Variants in GHRHR observed in about 807,000 individuals in gnomAD.
GHRHR encodes growth hormone releasing hormone receptor.
GHRHR carries 40 observed loss-of-function variants against 58.3 expected under a neutral mutation model. The observed-to-expected ratio is 0.69, with a 90% CI of 0.53 to 0.89. The LOEUF (loss-of-function observed/expected upper bound fraction) is 0.89, where lower values mean the gene tolerates loss of function less well. Ranked by LOEUF, GHRHR falls within the 40% of genes least tolerant of loss-of-function variation. The pLI is 0.00. For synonymous variants in GHRHR, 249 were observed against 216.6 expected (o/e 1.15, Z -1.31); for missense variants, 551 against 541.3 (o/e 1.02, Z -0.18).
At chr7:30,968,349 G>T (rs1167140593) in intron 1 of GHRHR, among the ~76,000 whole-genome samples, 2 of 152,096 alleles carry the variant, frequency 1.3e-5, no homozygotes, top group Non-Finnish European at 2.9e-5. Context: ...AGGCCCTGAT[G>T]AGAATGGAGT....
intron 12 of GHRHR, among the ~76,000 whole-genome samples, chr7:30,978,298 A>G (rs1336974157): frequency 1.3e-5 from 2 of 152,100 alleles, no homozygotes; most frequent in Non-Finnish European, 2.9e-5. Flanking sequence ...TGGGAGGGGC[A>G]AGAAGCATCC....
At chr7:30,969,703 G>A in intron 3 of GHRHR, 164 bp from the exon 4 acceptor site, 2 of 732,150 alleles carry the variant, frequency 2.7e-6, no homozygotes, top group East Asian at 5.0e-5. Context: ...GTGTCCCTGG[G>A]CAGGCTAGAC....
chr7:30,965,564 A>C (rs549862622), intron 1 of GHRHR, among the ~76,000 whole-genome samples: 1 of 152,234 alleles, frequency 6.6e-6, no homozygotes, highest in East Asian at 1.9e-4. Flanking sequence ...CCCTATGCCC[A>C]CACATCCTGA....
intron 8 of GHRHR, among the ~76,000 whole-genome samples, chr7:30,974,695 G>C (rs911450332): frequency 1.3e-5 from 2 of 152,114 alleles, no homozygotes; most frequent in African/African-American, 4.8e-5. Context: ...CAGGGCTGTG[G>C]GGCTGGGGGA....
At chr7:30,974,559 T>C (rs1792540326) in intron 8 of GHRHR, 70 bp downstream of exon 8, 1 of 1,077,272 alleles carries the variant, frequency 9.3e-7, no homozygotes, top group African/African-American at 1.5e-5. Flanking sequence ...AGTCAGGCCA[T>C]GGGCTGTTCT....
chr7:30,978,322 G>T (rs1707406261), intron 12 of GHRHR, among the ~76,000 whole-genome samples: 2 of 152,146 alleles, frequency 1.3e-5, no homozygotes, highest in African/African-American at 4.8e-5. Flanking sequence ...GCTGAGGCTG[G>T]TGGGGTGTGG....
chr7:30,971,819 C>T (rs2128597821), intron 5 of GHRHR, 144 bp from the exon 6 acceptor site: 2 of 773,594 alleles, frequency 2.6e-6, no homozygotes, highest in Non-Finnish European at 4.5e-6. Flanking sequence ...TAAACTGAAG[C>T]CTCAAGTTCA....
chr7:30,970,102 A>C (rs914390944), intron 4 of GHRHR, 138 bp downstream of exon 4: 2 of 723,160 alleles, frequency 2.8e-6, no homozygotes, highest in East Asian at 5.2e-5. Flanking sequence ...AGAGCAGTGA[A>C]GTGTCTGGAG....
chr7:30,974,373 A>G (rs1425342926), intron 7 of GHRHR, 56 bp from the exon 8 acceptor site: 8 of 1,322,036 alleles, frequency 6.1e-6, no homozygotes, highest in East Asian at 4.6e-5. Flanking sequence ...GTGGCGCCAG[A>G]TCTCAGAGTC....
rs747039896 is a variant in GHRHR, at chr7:30,974,020, C to T, written c.633C>T (p.Phe211=). ...LCKVSVAASH[F]ATMTNFSWLL... ...AGGTCTCTGTGGCCGCCTCCCATTT[C>T]GCCACCATGACCAACTTCAGCTGGC... Residue 211 remains phenylalanine, a synonymous_variant, in exon 7 of 13, where the codon TTC becomes TTT. Transcript: ENST00000326139. The T allele has an allele frequency of 2.0e-5, 33 of 1,613,842 alleles. No homozygotes were observed. The highest frequency in any genetic ancestry group is 2.7e-5 in the African/African-American group (2 of 74,886).
In GHRHR at chr7:30,964,112, G is replaced by A; in HGVS notation, c.44G>A (p.Ser15Asn). The change falls in exon 1 of 13, where the codon AGC becomes AAC. Residue 15 changes from serine to asparagine, a missense_variant. By Grantham distance (46) the Ser-to-Asn change is conservative. Coordinates refer to ENST00000326139, the MANE Select transcript of GHRHR (RefSeq NM_000823.4). ...MWGAHVFCVL[S>N]PLPTVLGHMH... The stretch of plus-strand genomic sequence containing the variant: ...GGGGCCCACGTCTTCTGCGTGTTGA[G>A]CCCGTTACCGACCGTGAGTAGCCAG... 1 of 1,549,404 alleles carries A rather than the reference G, an allele frequency of 6.5e-7. No individual in the cohort carries two copies.
rs35624572 is a variant in GHRHR at position 30,979,330 on chromosome 7, C to T, written c.*86C>T. On this transcript the variant is annotated 3_prime_UTR_variant, in exon 13 of 13. Coordinates refer to ENST00000326139, the MANE Select transcript of GHRHR (RefSeq NM_000823.4). ...ATGCTCTGGAGGAGCAAGGGGGCCA[C>T]ATCCCCACCCCAGCTGTTACCCAGC... 9.2e-4 allele frequency: 1,249 copies of T among 1,362,330 alleles called. 11 individuals carry two copies. The African/African-American group carries it at 0.016, about 17-fold the overall frequency. The allele number at this position is 1,362,330 out of a possible 1,614,324, so 84.4% of individuals were successfully genotyped here.
In GHRHR at chr7:30,974,027, A is replaced by G. The variant is rs535947130; in HGVS notation, c.640A>G (p.Met214Val). ...VSVAASHFAT[M>V]TNFSWLLAEA... ...TGTGGCCGCCTCCCATTTCGCCACC[A>G]TGACCAACTTCAGCTGGCTGTTGGC... The change falls in exon 7 of 13, where the codon ATG becomes GTG. Residue 214 changes from methionine to valine, a missense_variant. Physicochemically the swap from Met to Val is conservative, Grantham distance 21. Transcript: ENST00000326139. 2.4e-5 allele frequency: 38 copies of G among 1,613,918 alleles called. No homozygotes were observed. The highest frequency in any genetic ancestry group is 3.1e-5 in the Non-Finnish European group (36 of 1,179,952).
chr7:30,977,218 C>T (rs577832711), intron 11 of GHRHR, 63 bp from the exon 12 acceptor site: 134 of 1,465,384 alleles, frequency 9.1e-5, no homozygotes, highest in Middle Eastern at 3.5e-4. Flanking sequence ...AGCAGAAAGA[C>T]GGTGGACACC....
At chr7:30,964,630 G>A (rs940805101) in intron 1 of GHRHR, among the ~76,000 whole-genome samples, 2 of 152,202 alleles carry the variant, frequency 1.3e-5, no homozygotes, top group Non-Finnish European at 2.9e-5. Context: ...TTTGAAGAGG[G>A]TGTGGCCAGG....
In GHRHR at chr7:30,974,484, C is replaced by T. The variant is rs778474030; in HGVS notation, c.807C>T (p.Asp269=). Residue 269 remains aspartate, a synonymous_variant, in exon 8 of 13, where the codon GAC becomes GAT. Coordinates refer to ENST00000326139, the MANE Select transcript of GHRHR (RefSeq NM_000823.4). The part of the protein sequence containing the change: ...TWVSCKLAFE[D]IACWDLDDTS... The stretch of plus-strand genomic sequence containing the variant: ...TGAGCTGCAAACTGGCCTTCGAGGA[C>T]ATCGCGTGAGTCGGAGCGGCCACCT... 1.2e-6 allele frequency: 2 copies of T among 1,610,834 alleles called. No homozygotes were observed. The highest frequency in any genetic ancestry group is 1.1e-5 in the South Asian group (1 of 91,014).
chr7:30,969,508 G>C (rs867182428), intron 3 of GHRHR: 2 of 597,822 alleles, frequency 3.3e-6, no homozygotes, highest in Admixed American at 3.0e-5. Flanking sequence ...AGGATGGAGA[G>C]GGTGGGGCAC....
At chr7:30,968,268 C>T (rs1474833578) in intron 1 of GHRHR, among the ~76,000 whole-genome samples, 1 of 152,054 alleles carries the variant, frequency 6.6e-6, no homozygotes, top group Admixed American at 6.6e-5. Context: ...ATTCTGTCTA[C>T]CATTATTATG....
intron 1 of GHRHR, among the ~76,000 whole-genome samples, chr7:30,968,073 C>T (rs1363827590): frequency 2.6e-5 from 4 of 152,172 alleles, no homozygotes; most frequent in Non-Finnish European, 5.9e-5. Flanking sequence ...CTGATTCTGA[C>T]TCTCTTGCCT....
Sources: allele counts gnomAD v4.1 joint callset (sites outside exome capture counted in the v4.1 genomes callset), GRCh38; gene constraint gnomAD v4.1.1; transcripts MANE v1.5; gene names NCBI Gene and HGNC (gene_info 2026-07-23, HGNC 2026-07-21).